Variants in SNTG1 observed in about 807,000 individuals in gnomAD.
SNTG1 encodes the protein gamma-1-syntrophin.
Under a neutral mutation model 74.7 loss-of-function variants are expected in SNTG1, and 39 were observed. The observed-to-expected ratio is 0.52, with a 90% CI of 0.40 to 0.68. The LOEUF (loss-of-function observed/expected upper bound fraction) is 0.68. Among genes scored for constraint, SNTG1 ranks in the 30% least tolerant of loss-of-function variants. SNTG1 has a pLI of 0.00. For synonymous variants in SNTG1, 254 were observed against 217.1 expected (o/e 1.17, Z -1.49); for missense variants, 685 against 609.5 (o/e 1.12, Z -1.30).
intron 1 of SNTG1, among the ~76,000 whole-genome samples, chr8:49,931,336 C>T (rs1204865076): frequency 1.3e-5 from 2 of 152,100 alleles, no homozygotes; most frequent in Non-Finnish European, 2.9e-5. Flanking sequence ...CACATATACA[C>T]CTAAATACAT....
chr8:50,659,074 T>C lies in SNTG1; in HGVS notation c.1038+411T>C, dbSNP rs954404897. ...TTGGGTGAGACCTGGAATTAGAAAA[T>C]ATAGAAAATATCAGGAAAAATGCAA... On this transcript the variant is annotated intron_variant, in intron 15 of 18. Transcript: ENST00000642720. Among the ~76,000 whole-genome samples, 3 of 152,166 alleles carry C rather than the reference T, an allele frequency of 2.0e-5. No homozygotes were observed. In the East Asian group the frequency reaches 5.8e-4, roughly 29 times the overall value.
intron 2 of SNTG1, among the ~76,000 whole-genome samples, chr8:50,324,357 G>A (rs1342103371): frequency 6.6e-6 from 1 of 152,276 alleles, no homozygotes; most frequent in South Asian, 2.1e-4. Flanking sequence ...ACAGTTGTTG[G>A]CATTGGCAAT....
At chr8:50,463,345 C>T (rs1445705122) in intron 8 of SNTG1, among the ~76,000 whole-genome samples, 1 of 152,080 alleles carries the variant, frequency 6.6e-6, no homozygotes, top group Non-Finnish European at 1.5e-5. Context: ...GGCCCAGATC[C>T]CTCGTAGGAA....
intron 2 of SNTG1, among the ~76,000 whole-genome samples, chr8:50,294,532 T>C (rs370694171): frequency 9.9e-5 from 15 of 152,226 alleles, no homozygotes; most frequent in East Asian, 5.8e-4. Flanking sequence ...GCACTTCAAG[T>C]TCAAAGGTTG....
In SNTG1 at chr8:50,792,146, G is replaced by T. The variant is rs568241920; in HGVS notation, c.1396-525G>T. ...ACAGCCAGCCACAATTAAAATTAATGCAGGAATTATTTTTTGAAAGTGAAC... is the reference window on the plus strand; with the variant it reads ...ACAGCCAGCCACAATTAAAATTAATTCAGGAATTATTTTTTGAAAGTGAAC... On this transcript the variant is annotated intron_variant, in intron 18 of 18. Coordinates refer to ENST00000642720, the MANE Select transcript of SNTG1 (RefSeq NM_018967.5). Among the ~76,000 whole-genome samples, 5 of 150,736 alleles carry T rather than the reference G, an allele frequency of 3.3e-5. No individual in the cohort carries two copies. In the South Asian group the frequency reaches 8.4e-4, roughly 25 times the overall value.
chr8:50,628,046 C>G (rs940796795), intron 13 of SNTG1, among the ~76,000 whole-genome samples: 1 of 152,202 alleles, frequency 6.6e-6, no homozygotes, highest in African/African-American at 2.4e-5. Flanking sequence ...CAGCCCCATC[C>G]TGAAGCTGCC....
intron 11 of SNTG1, 58 bp from the exon 12 acceptor site, chr8:50,552,992 A>G (rs1336245920): frequency 8.8e-6 from 14 of 1,596,942 alleles, no homozygotes; most frequent in Non-Finnish European, 1.2e-5. Context: ...TACTATTACG[A>G]GCTGCAAATA....
At chr8:50,650,398 G>C (rs1399794885) in intron 13 of SNTG1, among the ~76,000 whole-genome samples, 1 of 152,028 alleles carries the variant, frequency 6.6e-6, no homozygotes, top group African/African-American at 2.4e-5. Flanking sequence ...GTCAGGTGCT[G>C]TTCCTTTAGA....
At chr8:50,585,718 G>C (rs937057604) in intron 12 of SNTG1, among the ~76,000 whole-genome samples, 3 of 151,840 alleles carry the variant, frequency 2.0e-5, no homozygotes, top group Middle Eastern at 3.4e-3. Flanking sequence ...ATATAATATA[G>C]CAGACACTAT....
chr8:50,486,166 T>C (rs2093792000), intron 8 of SNTG1, among the ~76,000 whole-genome samples: 1 of 151,866 alleles, frequency 6.6e-6, no homozygotes, highest in African/African-American at 2.4e-5. Context: ...TTTAAAGTAG[T>C]TTTTTCCAAT....
chr8:50,129,917 C>T (rs987154502), intron 1 of SNTG1, among the ~76,000 whole-genome samples: 2 of 152,022 alleles, frequency 1.3e-5, no homozygotes, highest in African/African-American at 4.8e-5. Context: ...GATCCACAGG[C>T]GTGAGCCACT....
intron 1 of SNTG1, among the ~76,000 whole-genome samples, chr8:50,141,603 T>C (rs1214068074): frequency 1.3e-5 from 2 of 152,186 alleles, no homozygotes; most frequent in African/African-American, 2.4e-5. Context: ...ATTTTGAGTA[T>C]CTGAAACACA....
intron 2 of SNTG1, among the ~76,000 whole-genome samples, chr8:50,288,774 T>C (rs141020332): frequency 1.4e-3 from 217 of 152,280 alleles, no homozygotes; most frequent in African/African-American, 5.0e-3. Flanking sequence ...GCTATTTTTG[T>C]CATTTCAGAG....
chr8:50,373,252 A>G (rs1225207429), intron 2 of SNTG1, among the ~76,000 whole-genome samples: 1 of 152,246 alleles, frequency 6.6e-6, no homozygotes, highest in Non-Finnish European at 1.5e-5. Context: ...TTAAACTCCC[A>G]GATCCTCTTA....
chr8:50,268,620 C>T (rs1369921230), intron 2 of SNTG1, among the ~76,000 whole-genome samples: 3 of 151,640 alleles, frequency 2.0e-5, no homozygotes, highest in African/African-American at 7.3e-5. Context: ...CAGTAGAGAA[C>T]CTAAGAATAC....
intron 2 of SNTG1, among the ~76,000 whole-genome samples, chr8:50,306,358 T>C (rs759336872): frequency 5.9e-5 from 9 of 152,076 alleles, no homozygotes; most frequent in Non-Finnish European, 1.3e-4. Flanking sequence ...AATAAACATA[T>C]GTGTGCATGT....
chr8:50,079,406 G>GT (rs1365540619), intron 1 of SNTG1, among the ~76,000 whole-genome samples: 3 of 139,776 alleles, frequency 2.1e-5, no homozygotes, highest in Admixed American at 1.4e-4. Context: ...TGATGGGGTT[G>GT]TTTGTTTTTT....
intron 15 of SNTG1, among the ~76,000 whole-genome samples, chr8:50,689,221 T>C (rs1030369334): frequency 2.0e-5 from 3 of 152,152 alleles, no homozygotes; most frequent in African/African-American, 7.2e-5. Flanking sequence ...CTTCCTCTTT[T>C]CCTAATTGAA....
intron 8 of SNTG1, among the ~76,000 whole-genome samples, chr8:50,489,280 G>A (rs757276252): frequency 6.6e-6 from 1 of 152,160 alleles, no homozygotes; most frequent in Non-Finnish European, 1.5e-5. Context: ...TAATCCTTTG[G>A]TTATATACCC....
Sources: gnomAD v4.1 joint callset for allele counts (sites outside exome capture counted in the v4.1 genomes callset) on GRCh38, gnomAD v4.1.1 for gene constraint, MANE v1.5 for transcripts, NCBI Gene and HGNC (gene_info 2026-07-23, HGNC 2026-07-21) for gene names.